Variants in TTC39A observed in about 807,000 individuals in gnomAD.
The protein encoded by TTC39A is tetratricopeptide repeat protein 39A.
Under a neutral mutation model 82.3 loss-of-function variants are expected in TTC39A, and 46 were observed. That is an observed-to-expected ratio of 0.56 (90% CI 0.44 to 0.71). The LOEUF is 0.71. TTC39A is among the 30% of genes least tolerant of loss of function. The probability of loss-of-function intolerance (pLI) is 0.00; values close to 1 mark genes in which losing one functional copy is unlikely to be tolerated. For missense variants in TTC39A, 543 were observed against 712.9 expected (o/e 0.76, Z 2.71); for synonymous variants, 254 against 275.2 (o/e 0.92, Z 0.76).
Position 51,330,422 on chromosome 1 carries a change from C to T in TTC39A, c.41+15G>A. The T allele has an allele frequency of 1.0e-6, 1 of 982,246 alleles. No individual in the cohort carries two copies. The highest frequency in any genetic ancestry group is 1.2e-6 in the Non-Finnish European group (1 of 829,370). 60.8% of individuals were successfully genotyped at this position (982,246 alleles called of 1,614,324 possible). ...GCGCCGCCCGCGCCCCCGGGCCTCC[C>T]AGCCGCGCACTTACCCCGCGGGCAG... is the stretch of plus-strand genomic sequence containing the variant. On this transcript the variant is annotated intron_variant, in intron 1 of 17. Transcript: ENST00000680483. The surrounding 1 kb of genome is among the most constrained non-coding windows in gnomAD (Gnocchi z 4.5).
At chr1:51,307,810 T>C (rs1177206248) in intron 6 of TTC39A, among the ~76,000 whole-genome samples, 2 of 151,848 alleles carry the variant, frequency 1.3e-5, no homozygotes, top group Non-Finnish European at 2.9e-5. Flanking sequence ...TAAATATACA[T>C]ATCATGAAAT....
chr1:51,305,170 C>T (rs1644823440), intron 7 of TTC39A, 24 bp from the exon 8 acceptor site: 1 of 1,612,282 alleles, frequency 6.2e-7, no homozygotes, highest in South Asian at 1.1e-5. Flanking sequence ...GGCAATCAAG[C>T]CTGTGAAGGT....
At chr1:51,316,218 T>C (rs926888444) in intron 2 of TTC39A, among the ~76,000 whole-genome samples, 1 of 152,210 alleles carries the variant, frequency 6.6e-6, no homozygotes, top group Admixed American at 6.5e-5. Flanking sequence ...TGTTGCTGAA[T>C]GAACCAGTGA....
chr1:51,333,048 A>T (rs1645932001), upstream of TTC39A, among the ~76,000 whole-genome samples: 1 of 152,070 alleles, frequency 6.6e-6, no homozygotes, highest in South Asian at 2.1e-4. Flanking sequence ...CCCCATCTCT[A>T]CTAAAAATAC....
chr1:51,298,160 G>C (rs937558041), intron 12 of TTC39A: 6 of 152,318 alleles, frequency 3.9e-5, no homozygotes, highest in African/African-American at 1.4e-4. Context: ...TGTGTTTCTT[G>C]TCTCCCCACT....
At chr1:51,309,651 T>G (rs1645011718) in intron 5 of TTC39A, among the ~76,000 whole-genome samples, 1 of 151,904 alleles carries the variant, frequency 6.6e-6, no homozygotes, top group Admixed American at 6.5e-5. Context: ...TTATTTGTGG[T>G]TTTTACAACA....
upstream of TTC39A, chr1:51,330,740 C>T (rs942737704): frequency 4.3e-5 from 26 of 606,100 alleles, no homozygotes; most frequent in African/African-American, 4.7e-4. The surrounding 1 kb of genome is among the most constrained non-coding windows in gnomAD (Gnocchi z 4.5). Flanking sequence ...CAGGTGAGAG[C>T]CCGGCGCCCT....
chr1:51,311,849 C>T lies in TTC39A; in HGVS notation c.355+270G>A, dbSNP rs149746469. The stretch of plus-strand genomic sequence containing the variant: ...TCTAAACACCCATTGGCCTGAGGAG[C>T]AGAGCCCTGGCCTTGTGACAGCTTT... On this transcript the variant is annotated intron_variant, in intron 4 of 17. Coordinates refer to ENST00000680483, the MANE Select transcript of TTC39A (RefSeq NM_001297663.2). 1.1e-4 allele frequency among the ~76,000 whole-genome samples: 16 copies of T among 152,368 alleles called. No homozygotes were observed. The East Asian group carries it at 3.1e-3, about 29-fold the overall frequency.
chr1:51,331,278 C>G, upstream of TTC39A: 2 of 1,548,078 alleles, frequency 1.3e-6, no homozygotes, highest in Non-Finnish European at 1.7e-6. Context: ...TCACCCACAA[C>G]GCTCCCCAAA....
Position 51,325,476 on chromosome 1 carries a change from A to G in TTC39A, c.42-3651T>C, listed in dbSNP as rs574056401. ...CCATTCATCTCTGTTGGATGAATCA[A>G]TGAGGCAGCAGTGAGCATCTACTGC... is the stretch of plus-strand genomic sequence containing the variant. On this transcript the variant is annotated intron_variant, in intron 1 of 17. Coordinates refer to ENST00000680483, the MANE Select transcript of TTC39A (RefSeq NM_001297663.2). Among the ~76,000 whole-genome samples, 16 of 152,308 alleles carry G rather than the reference A, an allele frequency of 1.1e-4. No homozygotes were observed. The South Asian group carries it at 3.3e-3, about 32-fold the overall frequency.
intron 2 of TTC39A, among the ~76,000 whole-genome samples, chr1:51,314,077 G>A (rs150274552): frequency 1.2e-4 from 19 of 152,282 alleles, no homozygotes; most frequent in Admixed American, 3.3e-4. Context: ...CCTCAGCACC[G>A]ATGTCAGGGC....
chr1:51,331,407 C>G, upstream of TTC39A: 1 of 1,455,294 alleles, frequency 6.9e-7, no homozygotes, highest in Non-Finnish European at 9.0e-7. Context: ...AGATGCTGCT[C>G]TTAACCATGA....
At chr1:51,301,518 G>A (rs956461800) in intron 12 of TTC39A, 54 bp downstream of exon 12, 21 of 1,529,698 alleles carry the variant, frequency 1.4e-5, no homozygotes, top group Non-Finnish European at 1.9e-5. Flanking sequence ...GTGGTCTGGA[G>A]GCACACAGTC....
chr1:51,318,018 G>A (rs977963131), intron 2 of TTC39A, among the ~76,000 whole-genome samples: 5 of 152,304 alleles, frequency 3.3e-5, no homozygotes, highest in East Asian at 1.9e-4. Context: ...GGGACAGCTC[G>A]AGGACCCAGG....
chr1:51,314,222 C>T (rs980357527), intron 2 of TTC39A, among the ~76,000 whole-genome samples: 10 of 152,160 alleles, frequency 6.6e-5, no homozygotes, highest in Admixed American at 1.3e-4. Flanking sequence ...CAGGGAGGGA[C>T]GGGAACAATG....
At chr1:51,312,970 C>A in intron 2 of TTC39A, 27 bp from the exon 3 acceptor site, 2 of 1,608,992 alleles carry the variant, frequency 1.2e-6, no homozygotes, top group Non-Finnish European at 1.7e-6. Flanking sequence ...ACGTTGAGAG[C>A]ACCACCTTAT....
rs566841483 is a variant in TTC39A at position 51,321,956 on chromosome 1, G to A, written c.42-131C>T. On this transcript the variant is annotated intron_variant, in intron 1 of 17. Transcript: ENST00000680483. The surrounding 1 kb of genome is among the most constrained non-coding windows in gnomAD (Gnocchi z 4.6). ...TGGGTGCCTGTCACGAGCTCCTCCA[G>A]GCTGCCACTCTGTACTGGGACGCAG... is the stretch of plus-strand genomic sequence containing the variant. 1.4e-5 allele frequency: 18 copies of A among 1,322,806 alleles called. No homozygotes were observed. The African/African-American group carries it at 2.3e-4, about 17-fold the overall frequency. 81.9% of individuals were successfully genotyped at this position (1,322,806 alleles called of 1,614,324 possible).
chr1:51,309,147 A>G (rs1569880487), intron 6 of TTC39A, 114 bp downstream of exon 6: 1 of 1,293,740 alleles, frequency 7.7e-7, no homozygotes, highest in Non-Finnish European at 1.0e-6. Flanking sequence ...GCAGTCTACT[A>G]GGTTCTGGCC....
intron 1 of TTC39A, among the ~76,000 whole-genome samples, chr1:51,337,384 A>G (rs900188348): frequency 1.3e-5 from 2 of 149,008 alleles, no homozygotes; most frequent in Non-Finnish European, 3.0e-5. Flanking sequence ...CAGCTCAAAT[A>G]TCACCTTCTC....
Sources: gnomAD v4.1 joint callset for allele counts (sites outside exome capture counted in the v4.1 genomes callset) on GRCh38, gnomAD v4.1.1 for gene constraint, Gnocchi (gnomAD v3.1) non-coding constraint, MANE v1.5 for transcripts, NCBI Gene and HGNC (gene_info 2026-07-23, HGNC 2026-07-21) for gene names.